ZNF641: variants seen among roughly 807,000 people sequenced by gnomAD.
The protein encoded by ZNF641 is zinc finger protein 641.
Under a neutral mutation model 46.2 loss-of-function variants are expected in ZNF641, and 26 were observed. The ratio of observed to expected loss-of-function variants is 0.56; its 90% confidence interval spans 0.41 to 0.78. ZNF641 has a LOEUF of 0.78. Among genes scored for constraint, ZNF641 ranks in the 30% least tolerant of loss-of-function variants. ZNF641 has a pLI of 0.00. For synonymous variants in ZNF641, 163 were observed against 187.9 expected (o/e 0.87, Z 1.09); for missense variants, 469 against 517.8 (o/e 0.91, Z 0.91).
At chr12:48,343,813 C>T in intron 5 of ZNF641, 86 bp from the exon 6 acceptor site, 1 of 1,312,084 alleles carries the variant, frequency 7.6e-7, no homozygotes, top group Non-Finnish European at 1.0e-6. Context: ...TTGTCTGATA[C>T]CTGCCAGGGC....
At position 48,342,870 on chromosome 12, in the gene ZNF641, C is replaced by A. The variant is rs1174385056; in HGVS notation, c.*103G>T. 6.7e-7 allele frequency: 1 copy of A among 1,493,018 alleles called. No individual in the cohort carries two copies. The highest frequency in any genetic ancestry group is 2.3e-5 in the East Asian group (1 of 43,260). 92.5% of individuals were successfully genotyped at this position (1,493,018 alleles called of 1,614,324 possible). A position where few individuals can be genotyped will look rare whatever the true frequency, so the allele number is the denominator to read the frequency against. On this transcript the variant is annotated 3_prime_UTR_variant, in exon 6 of 6. Transcript: ENST00000547026. ...CATCTTTCTAGGGATGGGGTCAGGG[C>A]TTATGATTCTGGCCACTGGGGTTCA...
Position 48,341,172 on chromosome 12 carries a change from G to A in ZNF641, c.*1801C>T. 1 of 985,422 alleles carries A rather than the reference G, an allele frequency of 1.0e-6. No individual in the cohort carries two copies. The highest frequency in any genetic ancestry group is 1.1e-4 in the East Asian group (1 of 8,818). The allele number at this position is 985,422 out of a possible 1,614,324, so 61.0% of individuals were successfully genotyped here. A position where few individuals can be genotyped will look rare whatever the true frequency, so the allele number is the denominator to read the frequency against. On this transcript the variant is annotated 3_prime_UTR_variant, in exon 6 of 6. Transcript: ENST00000547026. The stretch of plus-strand genomic sequence containing the variant: ...ATTCACCCAGTTTTTCCTGCAAAAG[G>A]CACAGTCGCTAAACTAAATTGGTGC...
downstream of ZNF641, among the ~76,000 whole-genome samples, chr12:48,335,452 T>C (rs1952597299): frequency 6.6e-6 from 1 of 152,230 alleles, no homozygotes; most frequent in Non-Finnish European, 1.5e-5. Flanking sequence ...ACACTTATAT[T>C]TGTTTTATGA....
downstream of ZNF641, among the ~76,000 whole-genome samples, chr12:48,335,331 G>T (rs1952596727): frequency 6.6e-6 from 1 of 152,106 alleles, no homozygotes. Flanking sequence ...GCTAAACAAA[G>T]GAGTTAAGAA....
chr12:48,343,463 C>T lies in ZNF641; in HGVS notation c.785G>A (p.Gly262Asp), dbSNP rs566836499. 5.6e-6 allele frequency: 9 copies of T among 1,613,712 alleles called. No homozygotes were observed. The highest frequency in any genetic ancestry group is 5.1e-6 in the Non-Finnish European group (6 of 1,179,730). Reference sequence around the variant, plus strand: ...TTGTTGATGCCTGGCAAGGTGGGAACCCCATACAAACTGTTTCCCACACTG... The same window carrying T: ...TTGTTGATGCCTGGCAAGGTGGGAATCCCATACAAACTGTTTCCCACACTG... ...CPQCGKQFVW[G>D]SHLARHQQTH... The change falls in exon 6 of 6, where the codon GGT (glycine) becomes GAT (aspartate). Residue 262 changes from glycine (G) to aspartate (D), a missense_variant. Gly to Asp is a moderately conservative substitution (Grantham distance 94). Coordinates refer to ENST00000547026, the MANE Select transcript of ZNF641 (RefSeq NM_001172681.2).
intron 1 of ZNF641, chr12:48,349,915 A>C: frequency 9.3e-7 from 1 of 1,071,582 alleles, no homozygotes; most frequent in Non-Finnish European, 1.4e-6. Context: ...CATCTCCCCC[A>C]GGTAGCAGAG....
intron 1 of ZNF641, among the ~76,000 whole-genome samples, chr12:48,348,895 C>T (rs979246376): frequency 6.6e-6 from 1 of 152,154 alleles, no homozygotes; most frequent in Non-Finnish European, 1.5e-5. Flanking sequence ...GCTAACATGA[C>T]CCAGAAGAAC....
chr12:48,349,831 A>G (rs1361784894), intron 1 of ZNF641, among the ~76,000 whole-genome samples: 1 of 152,162 alleles, frequency 6.6e-6, no homozygotes, highest in African/African-American at 2.4e-5. Flanking sequence ...CTGGTTCTCT[A>G]GCTCCTGTGC....
chr12:48,350,803 C>T lies in ZNF641; in HGVS notation c.-43G>A. 2 of 984,348 alleles carry T rather than the reference C, an allele frequency of 2.0e-6. No individual in the cohort carries two copies. Among genetic ancestry groups the T allele is most frequent in the Non-Finnish European group, 2.4e-6 (2 of 828,980 alleles). The allele number at this position is 984,348 out of a possible 1,614,324, so 61.0% of individuals were successfully genotyped here. A position where few individuals can be genotyped will look rare whatever the true frequency, so the allele number is the denominator to read the frequency against. On this transcript the variant is annotated 5_prime_UTR_variant, in exon 1 of 6. Transcript: ENST00000547026. ...CCACTCACCCCCGGTAGGCTTGGCC[C>T]GCGGCCCGGTGCCTCCCTCCCGGGC... is the stretch of plus-strand genomic sequence containing the variant.
At chr12:48,348,410 G>A (rs1592148833) in intron 1 of ZNF641, among the ~76,000 whole-genome samples, 1 of 152,174 alleles carries the variant, frequency 6.6e-6, no homozygotes, top group Non-Finnish European at 1.5e-5. Flanking sequence ...TAAAAAAAAA[G>A]AACTGTCCTG....
chr12:48,350,150 GCC>G (rs1466895754), intron 1 of ZNF641: 1 of 1,608,238 alleles, frequency 6.2e-7, no homozygotes, highest in African/African-American at 1.3e-5. Flanking sequence ...ATGATCCCAT[GCC>G]CACTGCAGTG....
Position 48,339,991 on chromosome 12 carries a change from T to G in ZNF641, c.*2982A>C, listed in dbSNP as rs1437239202. On this transcript the variant is annotated 3_prime_UTR_variant, in exon 6 of 6. Coordinates refer to ENST00000547026, the MANE Select transcript of ZNF641 (RefSeq NM_001172681.2). Reference sequence around the variant, plus strand: ...CAGATGGAAAAATGTGACAGGTTCCTGAAGATGATATCCCTGTTTTACATT... The same window carrying G: ...CAGATGGAAAAATGTGACAGGTTCCGGAAGATGATATCCCTGTTTTACATT... 1.0e-6 allele frequency: 1 copy of G among 985,362 alleles called. No individual in the cohort carries two copies. Among genetic ancestry groups the G allele is most frequent in the African/African-American group, 1.7e-5 (1 of 57,256 alleles). The allele number at this position is 985,362 out of a possible 1,614,324, so 61.0% of individuals were successfully genotyped here.
At chr12:48,348,241 AACTTTAAAAGCTTGATGT>A (rs1952935523) in intron 1 of ZNF641, 126 bp from the exon 2 acceptor site, 1 of 944,290 alleles carries the variant, frequency 1.1e-6, no homozygotes, top group Non-Finnish European at 1.6e-6. Flanking sequence ...CTGGAAGATG[AACTTTAAAAGCTTGATGT>A]GTTCCGATCA....
rs1279438686 is a variant in ZNF641 at position 48,350,848 on chromosome 12, C to G, written c.-88G>C. ...CCGGGCGCCGCCTGCCCCTCCCCTC[C>G]GCCCTCCGCTTGCGTCTGGGAGCCG... On this transcript the variant is annotated 5_prime_UTR_variant, in exon 1 of 6. Coordinates refer to ENST00000547026, the MANE Select transcript of ZNF641 (RefSeq NM_001172681.2). The G allele has an allele frequency of 1.0e-6, 1 of 985,198 alleles. No individual in the cohort carries two copies. The highest frequency in any genetic ancestry group is 1.7e-5 in the African/African-American group (1 of 57,314). 61.0% of individuals were successfully genotyped at this position (985,198 alleles called of 1,614,324 possible). A position where few individuals can be genotyped will look rare whatever the true frequency, so the allele number is the denominator to read the frequency against.
rs1027780365 is a variant in ZNF641 at position 48,340,683 on chromosome 12, T to C, written c.*2290A>G. 5.9e-5 allele frequency: 58 copies of C among 985,382 alleles called. No homozygotes were observed. The highest frequency in any genetic ancestry group is 6.4e-5 in the Non-Finnish European group (53 of 829,944). The allele number at this position is 985,382 out of a possible 1,614,324, so 61.0% of individuals were successfully genotyped here. A position where few individuals can be genotyped will look rare whatever the true frequency, so the allele number is the denominator to read the frequency against. The stretch of plus-strand genomic sequence containing the variant: ...GGGCTTTGAACCTGCTAAATGTGTA[T>C]GGAAAACTGAGTGAATTACAAATGT... On this transcript the variant is annotated 3_prime_UTR_variant, in exon 6 of 6. Coordinates refer to ENST00000547026, the MANE Select transcript of ZNF641 (RefSeq NM_001172681.2).
chr12:48,342,648 G>A lies in ZNF641; in HGVS notation c.*325C>T, dbSNP rs1331056382. The A allele has an allele frequency of 3.6e-6, 2 of 555,450 alleles. No individual in the cohort carries two copies. Among genetic ancestry groups the A allele is most frequent in the Non-Finnish European group, 5.1e-6 (2 of 389,330 alleles). 34.4% of individuals were successfully genotyped at this position (555,450 alleles called of 1,614,324 possible). A position where few individuals can be genotyped will look rare whatever the true frequency, so the allele number is the denominator to read the frequency against. The stretch of plus-strand genomic sequence containing the variant: ...TGATACTCAAAATGTTTAACAACTG[G>A]TATAGCATAGACTCCAACCAATCAG... On this transcript the variant is annotated 3_prime_UTR_variant, in exon 6 of 6. Transcript: ENST00000547026.
chr12:48,340,564 A>G lies in ZNF641; in HGVS notation c.*2409T>C. 1 of 985,372 alleles carries G rather than the reference A, an allele frequency of 1.0e-6. No individual in the cohort carries two copies. Among genetic ancestry groups the G allele is most frequent in the Non-Finnish European group, 1.2e-6 (1 of 829,920 alleles). 61.0% of individuals were successfully genotyped at this position (985,372 alleles called of 1,614,324 possible). A position where few individuals can be genotyped will look rare whatever the true frequency, so the allele number is the denominator to read the frequency against. On this transcript the variant is annotated 3_prime_UTR_variant, in exon 6 of 6. Transcript: ENST00000547026. ...ACCTTAATCCTTAAAATATTTAGTGACCCTTGCCTTCTAATTCTTGACACA... is the reference window on the plus strand; with the variant it reads ...ACCTTAATCCTTAAAATATTTAGTGGCCCTTGCCTTCTAATTCTTGACACA...
chr12:48,342,443 T>C lies in ZNF641; in HGVS notation c.*530A>G, dbSNP rs765236913. Reference sequence around the variant, plus strand: ...ACCCAGTGTTCACCAGAGTGTTTCATAGTCACCAGTTCTGTGGGATGTAAA... The same window carrying C: ...ACCCAGTGTTCACCAGAGTGTTTCACAGTCACCAGTTCTGTGGGATGTAAA... On this transcript the variant is annotated 3_prime_UTR_variant, in exon 6 of 6. Transcript: ENST00000547026. The C allele has an allele frequency of 5.1e-6, 5 of 986,644 alleles. No homozygotes were observed. The highest frequency in any genetic ancestry group is 6.0e-6 in the Non-Finnish European group (5 of 830,634). The allele number at this position is 986,644 out of a possible 1,614,324, so 61.1% of individuals were successfully genotyped here.
In ZNF641 at chr12:48,350,773, C is replaced by G; in HGVS notation, c.-26+13G>C. Reference sequence around the variant, plus strand: ...CCTCCAGCCGCAGCTCCCTCCGGCCCGGCTCCACTCACCCCCGGTAGGCTT... The same window carrying G: ...CCTCCAGCCGCAGCTCCCTCCGGCCGGGCTCCACTCACCCCCGGTAGGCTT... On this transcript the variant is annotated intron_variant, in intron 1 of 5. Coordinates refer to ENST00000547026, the MANE Select transcript of ZNF641 (RefSeq NM_001172681.2). 1 of 970,740 alleles carries G rather than the reference C, an allele frequency of 1.0e-6. No homozygotes were observed. The highest frequency in any genetic ancestry group is 1.2e-6 in the Non-Finnish European group (1 of 816,548). The allele number at this position is 970,740 out of a possible 1,614,324, so 60.1% of individuals were successfully genotyped here. A position where few individuals can be genotyped will look rare whatever the true frequency, so the allele number is the denominator to read the frequency against.
Sources: gnomAD v4.1 joint callset for allele counts (sites outside exome capture counted in the v4.1 genomes callset) on GRCh38, gnomAD v4.1.1 for gene constraint, MANE v1.5 for transcripts, NCBI Gene and HGNC (gene_info 2026-07-23, HGNC 2026-07-21) for gene names.